SDK1: variants seen among roughly 807,000 people sequenced by gnomAD.
SDK1 encodes sidekick cell adhesion molecule 1, also known as protein sidekick-1.
In SDK1, 157 loss-of-function variants were observed where a neutral mutation model predicts 245.5. The ratio of observed to expected loss-of-function variants is 0.64; its 90% CI spans 0.56 to 0.73. SDK1 has a LOEUF of 0.73. SDK1 is among the 30% of genes least tolerant of loss of function. SDK1 has a pLI of 0.00. For missense variants in SDK1, 3,583 were observed against 3,002.3 expected, an observed-to-expected ratio of 1.19 and a Z score of -4.52; for synonymous variants, 1,647 against 1,278.5, an observed-to-expected ratio of 1.29 and a Z score of -6.15.
intron 25 of SDK1, among the ~76,000 whole-genome samples, chr7:4,118,515 T>C (rs985233327): frequency 1.3e-5 from 2 of 152,190 alleles, no homozygotes; most frequent in Admixed American, 1.3e-4. Flanking sequence ...TGGAAAACAG[T>C]TGGCATTCCT....
intron 4 of SDK1, among the ~76,000 whole-genome samples, chr7:3,723,770 A>G (rs898230535): frequency 6.6e-6 from 1 of 151,136 alleles, no homozygotes; most frequent in Non-Finnish European, 1.5e-5. Context: ...ATATACATAT[A>G]CACGTGTATA....
intron 4 of SDK1, among the ~76,000 whole-genome samples, chr7:3,749,160 G>A (rs1212245267): frequency 6.6e-6 from 1 of 151,844 alleles, no homozygotes; most frequent in African/African-American, 2.4e-5. Context: ...CTTTTGAGAG[G>A]GAGTCTCGCT....
chr7:3,754,509 G>T (rs866634854), intron 4 of SDK1, among the ~76,000 whole-genome samples: 1 of 149,148 alleles, frequency 6.7e-6, no homozygotes, highest in African/African-American at 2.6e-5. Flanking sequence ...CAGTAACATT[G>T]TATCTGTCAA....
chr7:4,139,852 GGGCTGTCTT>G lies in SDK1; in HGVS notation c.4229-5867_4229-5859del, dbSNP rs532216289. The stretch of plus-strand genomic sequence containing the variant: ...CAGAGGGCCTCGCCCTGCGCTGTCT[GGGCTGTCTT>G]GGAGCTGGGTGGAGCCCTCGGGACT... On this transcript the variant is annotated intron_variant, in intron 28 of 44. Coordinates refer to ENST00000404826, the MANE Select transcript of SDK1 (RefSeq NM_152744.4). Among the ~76,000 whole-genome samples, 370 of 152,228 alleles carry G rather than the reference GGGCTGTCTT, an allele frequency of 2.4e-3. 16 individuals are homozygous for G. The South Asian group carries it at 0.072, about 30-fold the overall frequency.
intron 4 of SDK1, among the ~76,000 whole-genome samples, chr7:3,809,033 C>T (rs985382650): frequency 3.3e-4 from 50 of 151,990 alleles, no homozygotes; most frequent in Non-Finnish European, 1.3e-4. Context: ...TAAGAGAATA[C>T]CCAAGACGGG....
chr7:3,880,454 A>G (rs1436896913), intron 5 of SDK1, among the ~76,000 whole-genome samples: 2 of 151,744 alleles, frequency 1.3e-5, no homozygotes, highest in East Asian at 3.9e-4. Flanking sequence ...CCGCGGCGCC[A>G]ACACCAGCGC....
intron 1 of SDK1, among the ~76,000 whole-genome samples, chr7:3,616,951 T>G (rs1781791514): frequency 6.6e-6 from 1 of 152,202 alleles, no homozygotes; most frequent in Non-Finnish European, 1.5e-5. Context: ...ATATGTGACA[T>G]TTGGAGTCAA....
At chr7:3,652,188 A>G (rs1229927740) in intron 4 of SDK1, among the ~76,000 whole-genome samples, 1 of 152,228 alleles carries the variant, frequency 6.6e-6, no homozygotes, top group Non-Finnish European at 1.5e-5. Context: ...GCGGCTGCAG[A>G]GAAACCGCGC....
intron 2 of SDK1, among the ~76,000 whole-genome samples, chr7:3,625,444 A>T (rs1429338325): frequency 6.6e-6 from 1 of 152,182 alleles, no homozygotes; most frequent in Non-Finnish European, 1.5e-5. Context: ...ACAGTGGTGG[A>T]GACAAAGCTT....
chr7:3,573,383 C>T (rs1375862068), intron 1 of SDK1, among the ~76,000 whole-genome samples: 1 of 152,088 alleles, frequency 6.6e-6, no homozygotes, highest in East Asian at 1.9e-4. Flanking sequence ...GAGCACCCTT[C>T]TCTGCTGGGC....
intron 4 of SDK1, among the ~76,000 whole-genome samples, chr7:3,740,424 A>G (rs1172361164): frequency 6.6e-6 from 1 of 152,154 alleles, no homozygotes; most frequent in Non-Finnish European, 1.5e-5. Flanking sequence ...TTGCTGCCTC[A>G]GGGAACTGTG....
At chr7:3,828,280 A>C (rs1242035748) in intron 5 of SDK1, among the ~76,000 whole-genome samples, 2 of 152,104 alleles carry the variant, frequency 1.3e-5, no homozygotes, top group African/African-American at 4.8e-5. Flanking sequence ...TCTCAAAAAA[A>C]CAAAAATAAT....
chr7:3,776,779 A>T (rs1053349645), intron 4 of SDK1, among the ~76,000 whole-genome samples: 1 of 151,948 alleles, frequency 6.6e-6, no homozygotes, highest in African/African-American at 2.4e-5. Flanking sequence ...CTGGACAAGG[A>T]TGAATCTAGA....
chr7:4,082,760 A>G (rs1781143155), intron 22 of SDK1, among the ~76,000 whole-genome samples: 1 of 151,980 alleles, frequency 6.6e-6, no homozygotes, highest in South Asian at 2.1e-4. Context: ...AGCTAGGACC[A>G]CAGGCGTGTG....
At chr7:3,496,324 T>G (rs1165020810) in intron 1 of SDK1, among the ~76,000 whole-genome samples, 2 of 152,216 alleles carry the variant, frequency 1.3e-5, no homozygotes, top group Non-Finnish European at 2.9e-5. Context: ...TTCAATTCCC[T>G]GGCAATAGCA....
At chr7:3,571,834 A>G (rs1456752641) in intron 1 of SDK1, among the ~76,000 whole-genome samples, 2 of 152,034 alleles carry the variant, frequency 1.3e-5, no homozygotes, top group East Asian at 1.9e-4. Context: ...CCTGTTTTCT[A>G]AATGTTGAAT....
At position 3,567,917 on chromosome 7, in the gene SDK1, G is replaced by T. The variant is rs547357772; in HGVS notation, c.299-51163G>T. On this transcript the variant is annotated intron_variant, in intron 1 of 44. Transcript: ENST00000404826. ...GCCTCGAACTCGTGGGCCCAAGTGGGCTGATCTTCCCACCTCAGCCTCCTG... is the reference window on the plus strand; with the variant it reads ...GCCTCGAACTCGTGGGCCCAAGTGGTCTGATCTTCCCACCTCAGCCTCCTG... 3.3e-5 allele frequency among the ~76,000 whole-genome samples: 5 copies of T among 152,298 alleles called. No individual in the cohort carries two copies. In the East Asian group the frequency reaches 9.7e-4, roughly 29 times the overall value.
chr7:4,030,542 G>C (rs578065774), intron 17 of SDK1, among the ~76,000 whole-genome samples: 2 of 152,278 alleles, frequency 1.3e-5, no homozygotes, highest in East Asian at 3.9e-4. Flanking sequence ...GACCTAGGAG[G>C]GCCCCTGGGG....
chr7:3,348,603 C>T (rs762933538), intron 1 of SDK1, among the ~76,000 whole-genome samples: 3 of 152,104 alleles, frequency 2.0e-5, no homozygotes, highest in Admixed American at 6.5e-5. Context: ...GGTACTATGC[C>T]CACTACCTGG....
Sources: gnomAD v4.1 joint callset for allele counts (sites outside exome capture counted in the v4.1 genomes callset) on GRCh38, gnomAD v4.1.1 for gene constraint, MANE v1.5 for transcripts, NCBI Gene and HGNC (gene_info 2026-07-23, HGNC 2026-07-21) for gene names.